BTBD9: variants seen among roughly 807,000 people sequenced by gnomAD.
The protein encoded by BTBD9 is BTB domain containing 9.
In BTBD9, 49 loss-of-function variants were observed where a neutral mutation model predicts 64.3. That is an observed-to-expected ratio of 0.76 (90% CI 0.61 to 0.97). The LOEUF is 0.97. Among genes scored for constraint, BTBD9 ranks in the 50% least tolerant of loss-of-function variants. BTBD9 has a pLI of 0.00. For missense variants in BTBD9, 598 were observed against 762.1 expected (o/e 0.78, Z 2.53); for synonymous variants, 260 against 274.7 (o/e 0.95, Z 0.53).
Position 38,254,070 on chromosome 6 carries a change from A to G in BTBD9, c.1562+2339T>C, listed in dbSNP as rs183570162. On this transcript the variant is annotated intron_variant, in intron 9 of 10. Transcript: ENST00000481247. Reference sequence around the variant, plus strand: ...TGGAAGGCATGTATGCTACCCCTAGAGCAAGGCTTTTCAGAACTAGGTGTA... The same window carrying G: ...TGGAAGGCATGTATGCTACCCCTAGGGCAAGGCTTTTCAGAACTAGGTGTA... Among the ~76,000 whole-genome samples the G allele has an allele frequency of 4.1e-4, 61 of 150,126 alleles. 1 individual carries two copies. The East Asian group carries it at 0.011, about 27-fold the overall frequency.
intron 6 of BTBD9, among the ~76,000 whole-genome samples, chr6:38,522,269 G>GA (rs1773302121): frequency 1.3e-5 from 2 of 151,494 alleles, no homozygotes; most frequent in Admixed American, 6.6e-5. Context: ...CATTTTTTGA[G>GA]AAAAAACAAA....
chr6:38,391,400 T>C (rs1483300786), intron 6 of BTBD9, among the ~76,000 whole-genome samples: 2 of 152,206 alleles, frequency 1.3e-5, no homozygotes, highest in Non-Finnish European at 2.9e-5. Context: ...GAAGGCTTTT[T>C]GGATGAGTCA....
intron 6 of BTBD9, among the ~76,000 whole-genome samples, chr6:38,501,166 T>C (rs1197090206): frequency 2.0e-5 from 3 of 152,066 alleles, no homozygotes; most frequent in Admixed American, 6.6e-5. Context: ...AGCCTTCACA[T>C]TGAAGAAGAC....
intron 6 of BTBD9, among the ~76,000 whole-genome samples, chr6:38,351,360 T>C (rs1764499416): frequency 6.6e-6 from 1 of 152,038 alleles, no homozygotes; most frequent in Non-Finnish European, 1.5e-5. Context: ...CTATTCAACC[T>C]GAAGAGCAAA....
At chr6:38,569,953 T>C (rs887855910) in intron 6 of BTBD9, among the ~76,000 whole-genome samples, 2 of 152,162 alleles carry the variant, frequency 1.3e-5, no homozygotes, top group African/African-American at 2.4e-5. Flanking sequence ...AAACACAGTT[T>C]AATGAAAACA....
chr6:38,484,510 T>C (rs1771310057), intron 6 of BTBD9, among the ~76,000 whole-genome samples: 1 of 152,228 alleles, frequency 6.6e-6, no homozygotes, highest in African/African-American at 2.4e-5. Context: ...GCTTCCTTTG[T>C]ACCAAGACCT....
intron 6 of BTBD9, among the ~76,000 whole-genome samples, chr6:38,520,469 AAAACAAAC>A (rs1299040915): frequency 1.3e-5 from 2 of 152,192 alleles, no homozygotes; most frequent in Admixed American, 6.5e-5. Context: ...TCAAAACAAA[AAAACAAAC>A]AAACAAAAAA....
chr6:38,438,507 G>T (rs934108355), intron 6 of BTBD9, among the ~76,000 whole-genome samples: 3 of 152,192 alleles, frequency 2.0e-5, no homozygotes, highest in Admixed American at 1.3e-4. Flanking sequence ...GAAATAAAAA[G>T]TACTAATTAA....
intron 10 of BTBD9, among the ~76,000 whole-genome samples, chr6:38,190,731 C>T (rs577203159): frequency 1.1e-3 from 171 of 152,188 alleles, no homozygotes; most frequent in African/African-American, 3.7e-3. Flanking sequence ...CTCCAACTTC[C>T]GAGCTCTGTA....
intron 6 of BTBD9, among the ~76,000 whole-genome samples, chr6:38,548,744 A>G (rs1193108864): frequency 1.3e-5 from 2 of 152,230 alleles, no homozygotes; most frequent in Non-Finnish European, 1.5e-5. Flanking sequence ...GTCATTGTCA[A>G]TATGTTTAGG....
At chr6:38,380,999 A>AG (rs1765909529) in intron 6 of BTBD9, among the ~76,000 whole-genome samples, 2 of 151,750 alleles carry the variant, frequency 1.3e-5, no homozygotes, top group South Asian at 4.1e-4. Flanking sequence ...GTATAGTAAG[A>AG]GGGGGTCAGA....
intron 6 of BTBD9, among the ~76,000 whole-genome samples, chr6:38,349,464 A>G (rs188537645): frequency 2.5e-3 from 383 of 152,252 alleles, no homozygotes; most frequent in Non-Finnish European, 3.8e-3. Flanking sequence ...GCAGTACAGT[A>G]TAATATTTGG....
intron 6 of BTBD9, among the ~76,000 whole-genome samples, chr6:38,461,359 G>A (rs1420632167): frequency 6.6e-6 from 1 of 152,102 alleles, no homozygotes; most frequent in East Asian, 1.9e-4. Flanking sequence ...AATCTGTAGT[G>A]CTTTCTGACA....
At chr6:38,530,379 G>A (rs1339941956) in intron 6 of BTBD9, among the ~76,000 whole-genome samples, 1 of 152,086 alleles carries the variant, frequency 6.6e-6, no homozygotes, top group Non-Finnish European at 1.5e-5. Context: ...TTTGAAGCAT[G>A]TGATCTTTAT....
chr6:38,524,851 A>C (rs1773417269), intron 6 of BTBD9, among the ~76,000 whole-genome samples: 1 of 152,130 alleles, frequency 6.6e-6, no homozygotes, highest in African/African-American at 2.4e-5. Flanking sequence ...AGAATAATTC[A>C]TTCCTTCCTT....
intron 4 of BTBD9, chr6:38,588,087 C>A (rs1352723464): frequency 2.7e-6 from 2 of 731,626 alleles, no homozygotes; most frequent in African/African-American, 3.4e-5. Flanking sequence ...CAGCAACAGG[C>A]TAGCTATGGT....
At chr6:38,458,460 C>A (rs1423003708) in intron 6 of BTBD9, among the ~76,000 whole-genome samples, 2 of 152,168 alleles carry the variant, frequency 1.3e-5, no homozygotes, top group African/African-American at 4.8e-5. Flanking sequence ...CAGGAAATAG[C>A]CTTCCCTAAA....
At chr6:38,455,184 G>A (rs1254183867) in intron 6 of BTBD9, among the ~76,000 whole-genome samples, 2 of 152,126 alleles carry the variant, frequency 1.3e-5, no homozygotes, top group African/African-American at 4.8e-5. Flanking sequence ...TGTTCTATGA[G>A]TTTAAAAAAT....
At chr6:38,346,990 AAC>A (rs1562056357) in intron 6 of BTBD9, among the ~76,000 whole-genome samples, 2 of 152,220 alleles carry the variant, frequency 1.3e-5, no homozygotes, top group Non-Finnish European at 2.9e-5. Flanking sequence ...GGAAGTGACT[AAC>A]AGGGCCTTTT....
Sources: allele counts gnomAD v4.1 joint callset (sites outside exome capture counted in the v4.1 genomes callset), GRCh38; gene constraint gnomAD v4.1.1; transcripts MANE v1.5; gene names NCBI Gene and HGNC (gene_info 2026-07-23, HGNC 2026-07-21).